The following ADCYAP1R1 variants were observed in gnomAD, a reference collection of about 807,000 sequenced individuals.
ADCYAP1R1 encodes ADCYAP receptor type I.
In ADCYAP1R1, 44 loss-of-function variants were observed where a neutral mutation model predicts 67.6. The observed-to-expected ratio is 0.65, with a 90% CI of 0.51 to 0.84. The LOEUF (loss-of-function observed/expected upper bound fraction) is 0.84, where lower values mean the gene tolerates loss of function less well. Ranked by LOEUF, ADCYAP1R1 falls within the 40% of genes least tolerant of loss-of-function variation. The pLI, the probability that ADCYAP1R1 is intolerant of heterozygous loss-of-function variation, is 0.00. For missense variants in ADCYAP1R1, 477 were observed against 587.9 expected (o/e 0.81, Z 1.95); for synonymous variants, 222 against 219.6 (o/e 1.01, Z -0.10).
At chr7:31,092,574 C>A in intron 12 of ADCYAP1R1, 70 bp from the exon 13 acceptor site, 1 of 1,219,968 alleles carries the variant, frequency 8.2e-7, no homozygotes, top group African/African-American at 1.5e-5. Flanking sequence ...GGGGGAGGGT[C>A]CTGCTGGGGA....
chr7:31,070,188 C>T, intron 3 of ADCYAP1R1, among the ~76,000 whole-genome samples: 1 of 152,244 alleles, frequency 6.6e-6, no homozygotes, highest in East Asian at 1.9e-4. Flanking sequence ...CCAGGCCACA[C>T]AGCCCCCAGG....
At position 31,106,623 on chromosome 7, in the gene ADCYAP1R1, T is replaced by C. The variant is rs763507253; in HGVS notation, c.1346T>C (p.Leu449Pro). ...AATGGGGGCACCCAGCTCTCCATCCTGAGCAAGAGCAGCTCCCAAATCCGC... is the reference window on the plus strand; with the variant it reads ...AATGGGGGCACCCAGCTCTCCATCCCGAGCAAGAGCAGCTCCCAAATCCGC... ...GVNGGTQLSI[L>P]SKSSSQIRMS... Residue 449 changes from leucine (L) to proline (P), a missense_variant, in exon 16 of 16, where the codon CTG becomes CCG. Transcript: ENST00000304166. The C allele has an allele frequency of 6.2e-7, 1 of 1,613,810 alleles. No homozygotes were observed. The highest frequency in any genetic ancestry group is 2.2e-5 in the East Asian group (1 of 44,836).
Position 31,106,732 on chromosome 7 carries a change from C to T in ADCYAP1R1, c.*48C>T. Reference sequence around the variant, plus strand: ...CTCCTCCATCCACAGGCTGGGACCGCAGGCAGGTGCCAGCCCACGCATGTT... The same window carrying T: ...CTCCTCCATCCACAGGCTGGGACCGTAGGCAGGTGCCAGCCCACGCATGTT... On this transcript the variant is annotated 3_prime_UTR_variant, in exon 16 of 16. Transcript: ENST00000304166. The T allele has an allele frequency of 6.6e-7, 1 of 1,523,880 alleles. No homozygotes were observed. The highest frequency in any genetic ancestry group is 8.8e-7 in the Non-Finnish European group (1 of 1,133,722). 94.4% of individuals were successfully genotyped at this position (1,523,880 alleles called of 1,614,324 possible).
intron 3 of ADCYAP1R1, among the ~76,000 whole-genome samples, chr7:31,068,989 C>G (rs1286609500): frequency 6.6e-6 from 1 of 152,228 alleles, no homozygotes; most frequent in Admixed American, 6.5e-5. Context: ...ATCATACCTG[C>G]AGCACTGTAG....
Position 31,092,640 on chromosome 7 carries a change from T to C in ADCYAP1R1, c.955-4T>C. On this transcript the variant is annotated splice_region_variant and splice_polypyrimidine_tract_variant and intron_variant, in intron 12 of 15. Coordinates refer to ENST00000304166, the MANE Select transcript of ADCYAP1R1 (RefSeq NM_001118.5). ...CATCTGCTTTTTTTTTTTTTGCTCC[T>C]TAGGTTAACTTTGTGCTTTTTATTG... 2.5e-6 allele frequency: 4 copies of C among 1,602,500 alleles called. No homozygotes were observed. The highest frequency in any genetic ancestry group is 2.6e-6 in the Non-Finnish European group (3 of 1,175,856).
chr7:31,063,098 G>C (rs765968928), intron 1 of ADCYAP1R1, 96 bp from the exon 2 acceptor site: 5 of 701,326 alleles, frequency 7.1e-6, no homozygotes, highest in Non-Finnish European at 9.8e-6. Context: ...GCTGAGAGCC[G>C]TGCTGCAGGG....
At chr7:31,101,160 G>C (rs562566046) in intron 13 of ADCYAP1R1, among the ~76,000 whole-genome samples, 2 of 152,308 alleles carry the variant, frequency 1.3e-5, no homozygotes, top group Admixed American at 1.3e-4. Flanking sequence ...GTCCCTGTCT[G>C]TTCTGGGGCT....
intron 6 of ADCYAP1R1, among the ~76,000 whole-genome samples, chr7:31,082,808 T>TG (rs1168095816): frequency 2.6e-5 from 4 of 152,254 alleles, no homozygotes; most frequent in African/African-American, 9.6e-5. Flanking sequence ...GAAGGACTGT[T>TG]GGAGTCTCCC....
At chr7:31,095,730 C>A (rs1204143434) in intron 13 of ADCYAP1R1, 2 of 718,048 alleles carry the variant, frequency 2.8e-6, no homozygotes, top group South Asian at 3.0e-5. Context: ...TGCCCTCAGA[C>A]CAGCATTCAC....
At chr7:31,103,172 C>G in intron 13 of ADCYAP1R1, 65 bp from the exon 14 acceptor site, 1 of 1,583,202 alleles carries the variant, frequency 6.3e-7, no homozygotes, top group Non-Finnish European at 8.6e-7. Context: ...AGTTCTCTGC[C>G]CTCCGTGGCT....
intron 14 of ADCYAP1R1, 135 bp from the exon 15 acceptor site, chr7:31,104,733 C>A: frequency 1.0e-6 from 1 of 990,542 alleles, no homozygotes; most frequent in South Asian, 1.4e-5. Context: ...CCCATCTTAC[C>A]CCAGATCCCT....
chr7:31,067,509 C>A (rs1794785812), intron 3 of ADCYAP1R1, among the ~76,000 whole-genome samples: 1 of 151,238 alleles, frequency 6.6e-6, no homozygotes, highest in Non-Finnish European at 1.5e-5. Context: ...TCTATCACCA[C>A]AGCAGCTGGA....
At chr7:31,057,579 C>T (rs940627530) in intron 1 of ADCYAP1R1, among the ~76,000 whole-genome samples, 1 of 152,142 alleles carries the variant, frequency 6.6e-6, no homozygotes, top group Non-Finnish European at 1.5e-5. Flanking sequence ...CCTTGTCACG[C>T]CTGCCATTGC....
intron 1 of ADCYAP1R1, among the ~76,000 whole-genome samples, chr7:31,054,474 C>T (rs1259520050): frequency 6.6e-6 from 1 of 152,204 alleles, no homozygotes; most frequent in African/African-American, 2.4e-5. Flanking sequence ...ACATGGCCAC[C>T]TCTCTCTGTT....
At chr7:31,066,566 G>T (rs776210121) in intron 3 of ADCYAP1R1, among the ~76,000 whole-genome samples, 14 of 149,914 alleles carry the variant, frequency 9.3e-5, no homozygotes, top group Non-Finnish European at 1.8e-4. Flanking sequence ...TGAGTTCTTT[G>T]TGGGAAGGAT....
chr7:31,083,512 A>C (rs1418139467), intron 6 of ADCYAP1R1, among the ~76,000 whole-genome samples: 3 of 152,214 alleles, frequency 2.0e-5, no homozygotes, highest in Non-Finnish European at 4.4e-5. Flanking sequence ...GAAAGACAAC[A>C]CTTTAAAAGA....
In ADCYAP1R1 at chr7:31,091,003, C is replaced by G. The variant is rs145262879; in HGVS notation, c.955-1641C>G. Among the ~76,000 whole-genome samples the G allele has an allele frequency of 2.6e-5, 4 of 152,344 alleles. No homozygotes were observed. The East Asian group carries it at 7.7e-4, about 29-fold the overall frequency. Reference sequence around the variant, plus strand: ...CTTTGAGAAATCTCCAAACTACTTTCCATGGTGGCTGAATTAATTTACATT... The same window carrying G: ...CTTTGAGAAATCTCCAAACTACTTTGCATGGTGGCTGAATTAATTTACATT... On this transcript the variant is annotated intron_variant, in intron 12 of 15. Transcript: ENST00000304166.
intron 15 of ADCYAP1R1, 99 bp from the exon 16 acceptor site, chr7:31,106,397 G>A: frequency 7.1e-7 from 1 of 1,408,584 alleles, no homozygotes. Context: ...GGTGCTGAGG[G>A]TGGCACTGCC....
At chr7:31,101,567 T>G (rs1458542451) in intron 13 of ADCYAP1R1, among the ~76,000 whole-genome samples, 2 of 152,212 alleles carry the variant, frequency 1.3e-5, no homozygotes, top group African/African-American at 4.8e-5. Flanking sequence ...CTGGCCATTT[T>G]CCTCTGCATT....
Sources: allele counts gnomAD v4.1 joint callset (sites outside exome capture counted in the v4.1 genomes callset), GRCh38; gene constraint gnomAD v4.1.1; transcripts MANE v1.5; gene names NCBI Gene and HGNC (gene_info 2026-07-23, HGNC 2026-07-21).